Variants in SUFU observed in about 807,000 individuals in gnomAD.
The protein encoded by SUFU is suppressor of fused homolog.
In SUFU, 7 loss-of-function variants were observed where a neutral mutation model predicts 58.9. The ratio of observed to expected loss-of-function variants is 0.12; its 90% CI spans 0.07 to 0.22. The LOEUF (loss-of-function observed/expected upper bound fraction) is 0.22, where lower values mean the gene tolerates loss of function less well. Ranked by LOEUF, SUFU falls within the 10% of genes least tolerant of loss-of-function variation. The probability of loss-of-function intolerance (pLI) is 1.00; values close to 1 mark genes in which losing one functional copy is unlikely to be tolerated. For synonymous variants in SUFU, 232 were observed against 254.8 expected (o/e 0.91, Z 0.85); for missense variants, 451 against 641.3 (o/e 0.70, Z 3.20).
chr10:102,617,638 C>A lies in SUFU; in HGVS notation c.1296+210C>A. The A allele has an allele frequency of 3.1e-6, 2 of 638,636 alleles. No individual in the cohort carries two copies. The highest frequency in any genetic ancestry group is 3.9e-5 in the South Asian group (2 of 51,252). 39.6% of individuals were successfully genotyped at this position (638,636 alleles called of 1,614,324 possible). ...GCTTAGGAGCACTTCCTGACCTTCTCCCCCTGTCACCTGAGACACAAGTGT... is the reference window on the plus strand; with the variant it reads ...GCTTAGGAGCACTTCCTGACCTTCTACCCCTGTCACCTGAGACACAAGTGT... On this transcript the variant is annotated intron_variant, in intron 10 of 11. Transcript: ENST00000369902. This position sits in a 1 kb window ranked among gnomAD's most constrained non-coding sequence, Gnocchi z 4.4.
At chr10:102,510,513 C>A (rs2062388044) in intron 2 of SUFU, among the ~76,000 whole-genome samples, 2 of 150,650 alleles carry the variant, frequency 1.3e-5, no homozygotes, top group Admixed American at 1.3e-4. Context: ...GGCCTGCTAC[C>A]ATCTATATTT....
intron 3 of SUFU, among the ~76,000 whole-genome samples, chr10:102,569,102 G>T (rs7091252): frequency 0.45 from 68,413 of 150,554 alleles, 15,928 homozygotes; most frequent in East Asian, 0.67. Flanking sequence ...CTATAAGATT[G>T]TTGCCCATAT....
chr10:102,542,182 G>C (rs966973050), intron 2 of SUFU, among the ~76,000 whole-genome samples: 1 of 149,978 alleles, frequency 6.7e-6, no homozygotes, highest in Admixed American at 6.7e-5. Context: ...GCCTGGGCTG[G>C]AGTGCAGTGG....
At chr10:102,548,110 C>T (rs951073087) in intron 2 of SUFU, among the ~76,000 whole-genome samples, 1 of 152,102 alleles carries the variant, frequency 6.6e-6, no homozygotes, top group Admixed American at 6.5e-5. Context: ...CTGAAGATCA[C>T]GCCACTGCAC....
chr10:102,505,921 G>A (rs1485550486), intron 1 of SUFU, among the ~76,000 whole-genome samples: 1 of 151,924 alleles, frequency 6.6e-6, no homozygotes, highest in Non-Finnish European at 1.5e-5. Context: ...GTGGGCCTGG[G>A]CTGGGCACAG....
chr10:102,593,683 C>G lies in SUFU; in HGVS notation c.645C>G (p.Asn215Lys), dbSNP rs551772204. The change falls in exon 5 of 12, where the codon AAC (asparagine) becomes AAG (lysine). Residue 215 changes from asparagine to lysine, a missense_variant. Physicochemically the swap from Asn to Lys is moderately conservative, Grantham distance 94. Coordinates refer to ENST00000369902, the MANE Select transcript of SUFU (RefSeq NM_016169.4). Reference protein sequence around the residue: ...TEELHSAQQWNGQGILELLRT... With the variant: ...TEELHSAQQWKGQGILELLRT... Reference sequence around the variant, plus strand: ...AGCTACACTCAGCCCAGCAGTGGAACGGGCAGGGCATCCTGGAGCTGCTGC... The same window carrying G: ...AGCTACACTCAGCCCAGCAGTGGAAGGGGCAGGGCATCCTGGAGCTGCTGC... 8 of 1,614,202 alleles carry G rather than the reference C, an allele frequency of 5.0e-6. No individual in the cohort carries two copies. Among genetic ancestry groups the G allele is most frequent in the Non-Finnish European group, 6.8e-6 (8 of 1,180,024 alleles).
At chr10:102,525,934 A>G (rs1056242761) in intron 2 of SUFU, among the ~76,000 whole-genome samples, 2 of 152,194 alleles carry the variant, frequency 1.3e-5, no homozygotes, top group African/African-American at 4.8e-5. Context: ...AGAAACATGA[A>G]AAATTTTATA....
chr10:102,531,979 G>T (rs988022554), intron 2 of SUFU, among the ~76,000 whole-genome samples: 12 of 150,072 alleles, frequency 8.0e-5, no homozygotes, highest in Non-Finnish European at 1.2e-4. Context: ...TTTTGAGATA[G>T]AGTCTTGCTC....
chr10:102,533,592 T>C (rs925389877), intron 2 of SUFU, among the ~76,000 whole-genome samples: 15 of 151,878 alleles, frequency 9.9e-5, no homozygotes, highest in African/African-American at 2.9e-4. Flanking sequence ...GCAAAGTGCC[T>C]GAGGGAGAAT....
intron 2 of SUFU, among the ~76,000 whole-genome samples, chr10:102,512,816 G>C (rs2062417065): frequency 6.6e-6 from 1 of 152,156 alleles, no homozygotes; most frequent in Admixed American, 6.5e-5. Flanking sequence ...TATAGTCCTA[G>C]CACTTTGGAG....
chr10:102,511,187 A>G (rs1360850605), intron 2 of SUFU, among the ~76,000 whole-genome samples: 1 of 150,322 alleles, frequency 6.7e-6, no homozygotes, highest in East Asian at 1.9e-4. Context: ...TTTTTTATTT[A>G]TATTCTTTTG....
chr10:102,610,152 AGATCACTTGAGGTCAG>A (rs1468227453), intron 8 of SUFU, among the ~76,000 whole-genome samples: 3 of 152,064 alleles, frequency 2.0e-5, no homozygotes, highest in African/African-American at 4.8e-5. Context: ...TGAGGCGGGC[AGATCACTTGAGGTCAG>A]GATCACTTGA....
intron 3 of SUFU, among the ~76,000 whole-genome samples, chr10:102,585,070 G>A (rs943443684): frequency 6.6e-6 from 1 of 152,184 alleles, no homozygotes; most frequent in Non-Finnish European, 1.5e-5. Context: ...TAAAGGCTTG[G>A]CCTTGCTTCC....
chr10:102,503,760 C>T (rs1178852682), upstream of SUFU, among the ~76,000 whole-genome samples: 2 of 152,300 alleles, frequency 1.3e-5, no homozygotes, highest in Admixed American at 1.3e-4. Context: ...TCAGAGGGTG[C>T]TCAGCATCTC....
chr10:102,610,392 C>CA (rs541858690), intron 8 of SUFU, among the ~76,000 whole-genome samples: 3 of 124,044 alleles, frequency 2.4e-5, no homozygotes, highest in East Asian at 2.3e-4. Flanking sequence ...GACTCTGTCT[C>CA]AAAAAAAAAA....
intron 2 of SUFU, among the ~76,000 whole-genome samples, chr10:102,537,498 T>C (rs2062754987): frequency 6.6e-6 from 1 of 152,208 alleles, no homozygotes; most frequent in Non-Finnish European, 1.5e-5. Flanking sequence ...TACCTTGTTG[T>C]GCAACCATAA....
At position 102,619,519 on chromosome 10, in the gene SUFU, G is replaced by A; in HGVS notation, c.1296+2091G>A. On this transcript the variant is annotated intron_variant, in intron 10 of 11. Coordinates refer to ENST00000369902, the MANE Select transcript of SUFU (RefSeq NM_016169.4). This position sits in a 1 kb window ranked among gnomAD's most constrained non-coding sequence, Gnocchi z 4.2. ...TGGTCCACCACGGGGCCGGCTCACA[G>A]GAGAGCTCCTGGGAAGGCTGGCGGA... 3.6e-6 allele frequency: 4 copies of A among 1,113,492 alleles called. No individual in the cohort carries two copies. The highest frequency in any genetic ancestry group is 4.4e-6 in the Non-Finnish European group (4 of 908,680). The allele number at this position is 1,113,492 out of a possible 1,614,324, so 69.0% of individuals were successfully genotyped here.
intron 8 of SUFU, among the ~76,000 whole-genome samples, chr10:102,614,704 C>T (rs960287475): frequency 1.3e-5 from 2 of 151,370 alleles, no homozygotes; most frequent in African/African-American, 4.9e-5. Context: ...GGTGAAACCC[C>T]GTCTCTACTA....
chr10:102,614,093 G>A (rs541386490), intron 8 of SUFU, among the ~76,000 whole-genome samples: 14 of 152,330 alleles, frequency 9.2e-5, no homozygotes, highest in Admixed American at 5.9e-4. Context: ...GGCTGTTGGC[G>A]GAATGTGCAT....
Sources: gnomAD v4.1 joint callset for allele counts (sites outside exome capture counted in the v4.1 genomes callset) on GRCh38, gnomAD v4.1.1 for gene constraint, Gnocchi (gnomAD v3.1) non-coding constraint, MANE v1.5 for transcripts, NCBI Gene and HGNC (gene_info 2026-07-23, HGNC 2026-07-21) for gene names.